DNAH8: variants seen among roughly 807,000 people sequenced by gnomAD.
DNAH8 encodes dynein axonemal heavy chain 8, also known as axonemal beta dynein heavy chain 8.
In DNAH8, 382 loss-of-function variants were observed where a neutral mutation model predicts 562.1. The observed-to-expected ratio is 0.68, with a 90% CI of 0.63 to 0.74. The LOEUF (loss-of-function observed/expected upper bound fraction) is 0.74, where lower values mean the gene tolerates loss of function less well. DNAH8 is among the 30% of genes least tolerant of loss of function. DNAH8 has a pLI of 0.00. For synonymous variants in DNAH8, 1,881 were observed against 1,919.4 expected (o/e 0.98, Z 0.52); for missense variants, 5,203 against 5,620.4 (o/e 0.93, Z 2.37).
chr6:38,747,299 C>T (rs1248701735), intron 8 of DNAH8, among the ~76,000 whole-genome samples: 1 of 151,928 alleles, frequency 6.6e-6, no homozygotes, highest in Admixed American at 6.5e-5. Context: ...TAAGGTCATG[C>T]ACTTACCTCT....
At chr6:38,718,266 T>C (rs1169197415) in intron 1 of DNAH8, among the ~76,000 whole-genome samples, 2 of 152,084 alleles carry the variant, frequency 1.3e-5, no homozygotes, top group African/African-American at 2.4e-5. Flanking sequence ...TGTATATATA[T>C]TGTATATCTA....
chr6:38,733,989 TGATGCAA>T (rs1763870782), intron 4 of DNAH8, among the ~76,000 whole-genome samples: 1 of 74,260 alleles, frequency 1.3e-5, no homozygotes, highest in Non-Finnish European at 3.7e-5. Context: ...AAAAAAAAAA[TGATGCAA>T]TTATTGGCCA....
intron 89 of DNAH8, among the ~76,000 whole-genome samples, chr6:39,010,265 A>AC (rs1766104595): frequency 6.6e-6 from 1 of 152,170 alleles, no homozygotes; most frequent in African/African-American, 2.4e-5. Context: ...TATTTTATAG[A>AC]AGAGATCTTT....
chr6:38,730,085 A>G (rs1038951930), intron 4 of DNAH8, 99 bp downstream of exon 4: 1 of 612,986 alleles, frequency 1.6e-6, no homozygotes, highest in Non-Finnish European at 2.9e-6. Context: ...TTATTTATAA[A>G]GAAAATGTTA....
At chr6:38,789,061 C>T (rs865941635) in intron 18 of DNAH8, among the ~76,000 whole-genome samples, 1 of 152,058 alleles carries the variant, frequency 6.6e-6, no homozygotes, top group African/African-American at 2.4e-5. Flanking sequence ...TGTTATAAAT[C>T]GAAGCTAATA....
chr6:38,999,321 C>G (rs1765331083), intron 88 of DNAH8, among the ~76,000 whole-genome samples: 1 of 151,896 alleles, frequency 6.6e-6, no homozygotes, highest in Non-Finnish European at 1.5e-5. Context: ...GACCTAGCCC[C>G]TGGTGCTGAG....
At chr6:38,830,355 C>A (rs1387531694) in intron 30 of DNAH8, among the ~76,000 whole-genome samples, 5 of 151,760 alleles carry the variant, frequency 3.3e-5, no homozygotes, top group Admixed American at 2.6e-4. Context: ...CTCCAAGGGG[C>A]CAGGCATGGT....
At chr6:38,996,616 C>T (rs1354842106) in intron 88 of DNAH8, among the ~76,000 whole-genome samples, 1 of 152,160 alleles carries the variant, frequency 6.6e-6, no homozygotes, top group Non-Finnish European at 1.5e-5. Flanking sequence ...TGGGTAAGTC[C>T]AGGTGTGTGA....
chr6:38,951,195 A>G, intron 81 of DNAH8, 123 bp from the exon 82 acceptor site: 1 of 800,176 alleles, frequency 1.2e-6, no homozygotes, highest in South Asian at 1.7e-5. Flanking sequence ...TCTTACTTAG[A>G]TGTGGAAAAG....
Position 38,805,678 on chromosome 6 carries a change from C to T in DNAH8, c.3150+82C>T, listed in dbSNP as rs1458218001. On this transcript the variant is annotated intron_variant, in intron 23 of 92. Coordinates refer to ENST00000327475, the MANE Select transcript of DNAH8 (RefSeq NM_001206927.2). ...AGATAACCCCATATGGTGCTTTTTC[C>T]AGGCAGTTCTGCAACCAATCTAATT... The T allele has an allele frequency of 4.1e-6, 3 of 724,282 alleles. No individual in the cohort carries two copies. The African/African-American group carries it at 5.4e-5, about 13-fold the overall frequency. 44.9% of individuals were successfully genotyped at this position (724,282 alleles called of 1,614,324 possible).
chr6:38,917,291 A>G lies in DNAH8; in HGVS notation c.10193A>G (p.His3398Arg), dbSNP rs1468545995. The change falls in exon 69 of 93, where the codon CAT becomes CGT. Residue 3398 changes from histidine (H) to arginine (R), a missense_variant. By Grantham distance (29) the His-to-Arg change is conservative. Coordinates refer to ENST00000327475, the MANE Select transcript of DNAH8 (RefSeq NM_001206927.2). Reference protein sequence around the residue: ...ATVRKLAKPPHLIMRIMDCVL... With the variant: ...ATVRKLAKPPRLIMRIMDCVL... ...GTCAGGAAACTTGCAAAACCACCAC[A>G]TCTTATTATGAGAATCATGGACTGT... The G allele has an allele frequency of 3.1e-6, 5 of 1,613,552 alleles. No individual in the cohort carries two copies. The East Asian group carries it at 8.9e-5, about 29-fold the overall frequency.
intron 65 of DNAH8, 106 bp downstream of exon 65, chr6:38,909,850 G>C: frequency 1.1e-6 from 1 of 902,746 alleles, no homozygotes; most frequent in Non-Finnish European, 1.7e-6. Flanking sequence ...CATTGAGCAC[G>C]AGCTGTATTT....
intron 26 of DNAH8, among the ~76,000 whole-genome samples, chr6:38,819,733 AG>A (rs1357349457): frequency 3.3e-5 from 5 of 152,190 alleles, no homozygotes; most frequent in African/African-American, 7.2e-5. Context: ...TAGAAAATCC[AG>A]GAAATCTAGA....
In DNAH8 at chr6:38,848,716, T is replaced by C. The variant is rs763031130; in HGVS notation, c.5114T>C (p.Ile1705Thr). The change falls in exon 37 of 93, where the codon ATT becomes ACT. Residue 1705 changes from isoleucine to threonine, a missense_variant. Ile to Thr is a moderately conservative substitution (Grantham distance 89). Transcript: ENST00000327475. ...AAATTGTCCACTTCCTCAGATATAATTGAAGAGTGGCTCGTAGTACAGAAC... is the reference window on the plus strand; with the variant it reads ...AAATTGTCCACTTCCTCAGATATAACTGAAGAGTGGCTCGTAGTACAGAAC... ...VYKLSTSSDI[I>T]EEWLVVQNLW... The C allele has an allele frequency of 1.9e-6, 3 of 1,613,072 alleles. No individual in the cohort carries two copies. The highest frequency in any genetic ancestry group is 1.1e-5 in the South Asian group (1 of 91,024).
intron 21 of DNAH8, among the ~76,000 whole-genome samples, chr6:38,792,779 T>C (rs1769877376): frequency 6.6e-6 from 1 of 152,164 alleles, no homozygotes; most frequent in South Asian, 2.1e-4. Flanking sequence ...TGTTTTGAAC[T>C]GAACTCTTTC....
intron 24 of DNAH8, among the ~76,000 whole-genome samples, chr6:38,811,550 G>T (rs1771795207): frequency 6.6e-6 from 1 of 152,060 alleles, no homozygotes. Context: ...CTCCAGATAT[G>T]GTATTATTTC....
intron 83 of DNAH8, among the ~76,000 whole-genome samples, chr6:38,972,313 T>G (rs1460432931): frequency 6.6e-6 from 1 of 152,206 alleles, no homozygotes; most frequent in Non-Finnish European, 1.5e-5. Context: ...GTACAAACTT[T>G]GGTGCAGCTT....
intron 85 of DNAH8, among the ~76,000 whole-genome samples, chr6:38,979,996 G>A (rs1199588426): frequency 6.6e-6 from 1 of 152,226 alleles, no homozygotes; most frequent in South Asian, 2.1e-4. Context: ...GAACTAAAAC[G>A]GTTAGCTGTA....
chr6:38,907,923 A>G (rs1276309445), intron 63 of DNAH8, 33 bp from the exon 64 acceptor site: 27 of 1,503,400 alleles, frequency 1.8e-5, no homozygotes, highest in Non-Finnish European at 2.3e-5. Context: ...GAACTCTTAA[A>G]ACACAGAACA....
Sources: allele counts gnomAD v4.1 joint callset (sites outside exome capture counted in the v4.1 genomes callset), GRCh38; gene constraint gnomAD v4.1.1; transcripts MANE v1.5; gene names NCBI Gene and HGNC (gene_info 2026-07-23, HGNC 2026-07-21).